The following SLC25A16 variants were observed in gnomAD, a reference collection of about 807,000 sequenced individuals.
The protein encoded by SLC25A16 is mitochondrial coenzyme A transporter SLC25A16.
In SLC25A16, 39 loss-of-function variants were observed where a neutral mutation model predicts 41.5. That is an observed-to-expected ratio of 0.94 (90% CI 0.73 to 1.23). The LOEUF is 1.23. Ranked by LOEUF, SLC25A16 falls within the 50% of genes most tolerant of loss-of-function variation. The pLI is 0.00. For missense variants in SLC25A16, 421 were observed against 426.9 expected (o/e 0.99, Z 0.12); for synonymous variants, 146 against 147.8 (o/e 0.99, Z 0.09).
At chr10:68,514,768 GCT>G (rs1564926481) in intron 2 of SLC25A16, among the ~76,000 whole-genome samples, 1 of 151,076 alleles carries the variant, frequency 6.6e-6, no homozygotes, top group African/African-American at 2.5e-5. Context: ...ACGAAGTCTC[GCT>G]CTTGTCCCCC....
intron 1 of SLC25A16, among the ~76,000 whole-genome samples, chr10:68,523,112 C>T (rs770322579): frequency 2.6e-5 from 4 of 152,174 alleles, no homozygotes; most frequent in East Asian, 1.9e-4. Flanking sequence ...CCCCCTTTCA[C>T]GGAATCTGGC....
At chr10:68,521,644 A>G (rs1290687180) in intron 1 of SLC25A16, among the ~76,000 whole-genome samples, 1 of 129,456 alleles carries the variant, frequency 7.7e-6, no homozygotes, top group Non-Finnish European at 1.6e-5. Flanking sequence ...CCCAGGCTGG[A>G]GTGCAGTGGC....
chr10:68,519,405 G>C (rs953911589), intron 1 of SLC25A16, among the ~76,000 whole-genome samples: 1 of 151,242 alleles, frequency 6.6e-6, no homozygotes, highest in Non-Finnish European at 1.5e-5. Context: ...AGAATTGCCT[G>C]AACCCGGGAG....
At chr10:68,511,683 G>A (rs768098804) in intron 2 of SLC25A16, among the ~76,000 whole-genome samples, 6 of 151,922 alleles carry the variant, frequency 3.9e-5, no homozygotes, top group Non-Finnish European at 8.8e-5. Context: ...CTCTCAATAA[G>A]TTCACAGGTC....
intron 4 of SLC25A16, among the ~76,000 whole-genome samples, chr10:68,493,819 G>C (rs773298260): frequency 1.3e-5 from 2 of 152,196 alleles, no homozygotes. Flanking sequence ...AAATGGTACA[G>C]TGTACAGTGT....
At chr10:68,526,771 T>A (rs563730638) in intron 1 of SLC25A16, among the ~76,000 whole-genome samples, 1 of 152,336 alleles carries the variant, frequency 6.6e-6, no homozygotes, top group African/African-American at 2.4e-5. Flanking sequence ...TTTACTAGAA[T>A]CACTGGAACC....
chr10:68,516,431 G>A (rs2053162500), intron 2 of SLC25A16, among the ~76,000 whole-genome samples: 1 of 152,128 alleles, frequency 6.6e-6, no homozygotes, highest in African/African-American at 2.4e-5. Flanking sequence ...TAAGGAAGAG[G>A]AACAAGCTAT....
chr10:68,516,710 A>G (rs2053166740), intron 2 of SLC25A16, 41 bp downstream of exon 2: 3 of 1,380,966 alleles, frequency 2.2e-6, no homozygotes, highest in Non-Finnish European at 3.0e-6. Context: ...ACTTTCCACA[A>G]TATTTTCATT....
rs76456007 is a variant in SLC25A16, at chr10:68,480,585, C to T, written c.*2847G>A. 0.091 allele frequency: 13,711 copies of T among 150,356 alleles called. 924 individuals are homozygous for T. Among genetic ancestry groups the T allele is most frequent in the South Asian group, 0.24 (1,158 of 4,740 alleles). The allele number at this position is 150,356 out of a possible 1,614,324, so 9.3% of individuals were successfully genotyped here. On this transcript the variant is annotated 3_prime_UTR_variant, in exon 9 of 9. Coordinates refer to ENST00000609923, the MANE Select transcript of SLC25A16 (RefSeq NM_152707.4). ...GATCTCGGCTCACTGCAAGCTCCGC[C>T]TCCCAGGTTCAAGTGATTCTCCTGT...
chr10:68,512,810 G>C (rs2053089843), intron 2 of SLC25A16, among the ~76,000 whole-genome samples: 1 of 152,136 alleles, frequency 6.6e-6, no homozygotes, highest in Admixed American at 6.6e-5. Flanking sequence ...GGCTGAGGCG[G>C]ATGGATCAAC....
chr10:68,512,905 G>A (rs893479096), intron 2 of SLC25A16, among the ~76,000 whole-genome samples: 2 of 152,098 alleles, frequency 1.3e-5, no homozygotes, highest in Non-Finnish European at 2.9e-5. Context: ...TGGGCGTGGT[G>A]GCGGGTGCCC....
rs2052476793 is a variant in SLC25A16 at position 68,480,865 on chromosome 10, A to T, written c.*2567T>A. ...AATAATTAGCTACAGTGTGGTCTAG[A>T]AATGAAAATATACAAATGGTTTTAA... On this transcript the variant is annotated 3_prime_UTR_variant, in exon 9 of 9. Transcript: ENST00000609923. 6.6e-6 allele frequency: 1 copy of T among 151,852 alleles called. No individual in the cohort carries two copies. The highest frequency in any genetic ancestry group is 1.5e-5 in the Non-Finnish European group (1 of 67,998). The allele number at this position is 151,852 out of a possible 1,614,324, so 9.4% of individuals were successfully genotyped here.
Position 68,479,821 on chromosome 10 carries a change from A to AAAC in SLC25A16, c.*3610_*3611insGTT, listed in dbSNP as rs2052465454. On this transcript the variant is annotated 3_prime_UTR_variant, in exon 9 of 9. Transcript: ENST00000609923. The stretch of plus-strand genomic sequence containing the variant: ...CAACAGAGTGAGGCTCTGTCTCAAA[A>AAAC]AAAAAAAAAAAAAAGAAAGAAAAGA... The AAAC allele has an allele frequency of 6.7e-6, 1 of 149,224 alleles. No individual in the cohort carries two copies. The highest frequency in any genetic ancestry group is 2.4e-5 in the African/African-American group (1 of 40,928). The allele number at this position is 149,224 out of a possible 1,614,324, so 9.2% of individuals were successfully genotyped here.
At chr10:68,512,703 C>T (rs1457054524) in intron 2 of SLC25A16, among the ~76,000 whole-genome samples, 1 of 147,626 alleles carries the variant, frequency 6.8e-6, no homozygotes, top group Non-Finnish European at 1.5e-5. Flanking sequence ...AAGATAGTTG[C>T]AATTTTTCTA....
intron 4 of SLC25A16, among the ~76,000 whole-genome samples, chr10:68,496,107 TCTC>T (rs2052746421): frequency 6.6e-6 from 1 of 152,194 alleles, no homozygotes; most frequent in African/African-American, 2.4e-5. Flanking sequence ...AATTCATTTA[TCTC>T]CTCTTCTTGC....
chr10:68,499,689 T>C (rs917497698), intron 4 of SLC25A16: 4 of 356,446 alleles, frequency 1.1e-5, no homozygotes, highest in African/African-American at 8.6e-5. Flanking sequence ...CGAAAGGTTT[T>C]GATGAAGGTC....
At chr10:68,525,034 G>A (rs549867557) in intron 1 of SLC25A16, among the ~76,000 whole-genome samples, 2 of 152,180 alleles carry the variant, frequency 1.3e-5, no homozygotes, top group African/African-American at 4.8e-5. Flanking sequence ...GTGAGGGAGT[G>A]AGACTCTGTC....
intron 1 of SLC25A16, among the ~76,000 whole-genome samples, chr10:68,521,989 G>A (rs1046404529): frequency 4.0e-5 from 6 of 151,794 alleles, no homozygotes; most frequent in East Asian, 2.0e-4. Context: ...AGTGAAACCC[G>A]TCTCTACTAA....
intron 2 of SLC25A16, among the ~76,000 whole-genome samples, chr10:68,515,786 G>A (rs2053152279): frequency 6.6e-6 from 1 of 151,490 alleles, no homozygotes; most frequent in South Asian, 2.1e-4. Context: ...CAACAAGAGC[G>A]AAACTCTGCC....
Sources: allele counts gnomAD v4.1 joint callset (sites outside exome capture counted in the v4.1 genomes callset), GRCh38; gene constraint gnomAD v4.1.1; transcripts MANE v1.5; gene names NCBI Gene and HGNC (gene_info 2026-07-23, HGNC 2026-07-21).